SH3BGRL2: variants seen among roughly 807,000 people sequenced by gnomAD.
SH3BGRL2 encodes the protein SH3 domain binding glutamate rich protein like 2.
Under a neutral mutation model 14.8 loss-of-function variants are expected in SH3BGRL2, and 21 were observed. The ratio of observed to expected loss-of-function variants is 1.42; its 90% confidence interval spans 1.01 to 2.05. The LOEUF (loss-of-function observed/expected upper bound fraction) is 2.05, where lower values mean the gene tolerates loss of function less well. Ranked by LOEUF, SH3BGRL2 falls within the 30% of genes most tolerant of loss-of-function variation. The pLI, the probability that SH3BGRL2 is intolerant of heterozygous loss-of-function variation, is 0.00. For missense variants in SH3BGRL2, 147 were observed against 130.8 expected (o/e 1.12, Z -0.61); for synonymous variants, 50 against 47.8 (o/e 1.05, Z -0.19).
the SH3BGRL2 span, among the ~76,000 whole-genome samples, chr6:79,617,709 C>T: frequency 6.6e-6 from 1 of 152,150 alleles, no homozygotes; most frequent in African/African-American, 2.4e-5. Context: ...TAGTTAACTC[C>T]CTGCTCTCTC....
the SH3BGRL2 span, among the ~76,000 whole-genome samples, chr6:79,546,754 A>G: frequency 5.3e-5 from 8 of 151,118 alleles, no homozygotes; most frequent in East Asian, 3.9e-4. Flanking sequence ...CTGGAGTGCA[A>G]TTATCTCAGC....
intron 3 of SH3BGRL2, among the ~76,000 whole-genome samples, chr6:79,697,726 T>C (rs1770362532): frequency 1.3e-5 from 2 of 152,232 alleles, no homozygotes. Flanking sequence ...AACATTTGAA[T>C]ACTTGTTAGG....
chr6:79,658,218 A>G (rs1158010671), intron 1 of SH3BGRL2, among the ~76,000 whole-genome samples: 1 of 152,164 alleles, frequency 6.6e-6, no homozygotes, highest in Non-Finnish European at 1.5e-5. Context: ...GCATAGGTAT[A>G]CATGTGCCAT....
intron 1 of SH3BGRL2, among the ~76,000 whole-genome samples, chr6:79,633,917 T>A (rs1372318074): frequency 1.3e-5 from 2 of 152,228 alleles, no homozygotes; most frequent in Non-Finnish European, 2.9e-5. Flanking sequence ...ATATTAAGCT[T>A]TAGTGGCGTA....
intron 1 of SH3BGRL2, among the ~76,000 whole-genome samples, chr6:79,648,668 C>T (rs1018495087): frequency 1.3e-5 from 2 of 151,888 alleles, no homozygotes; most frequent in Non-Finnish European, 2.9e-5. Flanking sequence ...CTTTTAATTC[C>T]CCCACGTTTC....
At chr6:79,655,364 C>T (rs1769384953) in intron 1 of SH3BGRL2, among the ~76,000 whole-genome samples, 1 of 151,338 alleles carries the variant, frequency 6.6e-6, no homozygotes, top group African/African-American at 2.4e-5. Flanking sequence ...AGCAGTGGCC[C>T]CTTAAGCTTA....
chr6:79,562,508 G>A, the SH3BGRL2 span, among the ~76,000 whole-genome samples: 1 of 152,144 alleles, frequency 6.6e-6, no homozygotes, highest in African/African-American at 2.4e-5. Context: ...TAGGGGCATA[G>A]AGATGAGAGT....
intron 2 of SH3BGRL2, among the ~76,000 whole-genome samples, chr6:79,683,658 A>AG (rs1369105278): frequency 6.6e-6 from 1 of 152,114 alleles, no homozygotes; most frequent in Non-Finnish European, 1.5e-5. Flanking sequence ...CATGTTTGCC[A>AG]GGATGGTCTT....
At chr6:79,696,754 C>T (rs1770340573) in intron 3 of SH3BGRL2, among the ~76,000 whole-genome samples, 189 bp downstream of exon 3, 2 of 151,842 alleles carry the variant, frequency 1.3e-5, no homozygotes, top group African/African-American at 4.8e-5. Flanking sequence ...TTTGTTTTTC[C>T]CCCCAATTCT....
the SH3BGRL2 span, among the ~76,000 whole-genome samples, chr6:79,538,172 G>A: frequency 1.3e-5 from 2 of 151,340 alleles, no homozygotes; most frequent in Non-Finnish European, 2.9e-5. Context: ...CCTCTTTCGT[G>A]AGGGCTTTAA....
intron 2 of SH3BGRL2, among the ~76,000 whole-genome samples, chr6:79,686,875 G>GC: frequency 6.6e-6 from 1 of 152,114 alleles, no homozygotes; most frequent in Non-Finnish European, 1.5e-5. Flanking sequence ...CTCCTCAGGT[G>GC]CCCGTGAAAG....
the SH3BGRL2 span, among the ~76,000 whole-genome samples, chr6:79,582,624 C>T: frequency 6.6e-6 from 1 of 152,136 alleles, no homozygotes; most frequent in Non-Finnish European, 1.5e-5. Flanking sequence ...ACACCTTATA[C>T]AAAAATTAAT....
chr6:79,623,933 A>G, the SH3BGRL2 span, among the ~76,000 whole-genome samples: 1 of 152,298 alleles, frequency 6.6e-6, no homozygotes, highest in South Asian at 2.1e-4. Context: ...TACTTCCTCT[A>G]TTGCAATTAT....
the SH3BGRL2 span, among the ~76,000 whole-genome samples, chr6:79,548,227 T>TA: frequency 1.3e-5 from 2 of 151,974 alleles, no homozygotes; most frequent in African/African-American, 4.8e-5. Flanking sequence ...TTTATCATCT[T>TA]AAAAAAAACT....
chr6:79,590,424 GATATATATATATATATATATATAT>G, the SH3BGRL2 span, among the ~76,000 whole-genome samples: 422 of 66,692 alleles, frequency 6.3e-3, 25 homozygotes, highest in Admixed American at 0.046. Flanking sequence ...AAGAAAATGT[GATATATATATATATATATATATAT>G]ATATATATAT....
At chr6:79,581,899 C>T in the SH3BGRL2 span, among the ~76,000 whole-genome samples, 3 of 152,182 alleles carry the variant, frequency 2.0e-5, no homozygotes, top group Non-Finnish European at 4.4e-5. Flanking sequence ...TCGTCTCAGT[C>T]CAAAATCTCC....
intron 2 of SH3BGRL2, among the ~76,000 whole-genome samples, chr6:79,687,605 T>C (rs1770126209): frequency 6.6e-6 from 1 of 152,250 alleles, no homozygotes; most frequent in Admixed American, 6.5e-5. Flanking sequence ...TTTCATAAAG[T>C]AGACTATAGC....
At chr6:79,567,708 A>C in the SH3BGRL2 span, among the ~76,000 whole-genome samples, 1 of 152,258 alleles carries the variant, frequency 6.6e-6, no homozygotes, top group Non-Finnish European at 1.5e-5. Flanking sequence ...AAAGATTTAA[A>C]AAAGAGGCAG....
chr6:79,673,808 C>G lies in SH3BGRL2; in HGVS notation c.231+9C>G. Reference sequence around the variant, plus strand: ...GCGACCGATACTGTGGAGTAAGTGGCTAGACTGTTATCATGCTGTTTCTTT... The same window carrying G: ...GCGACCGATACTGTGGAGTAAGTGGGTAGACTGTTATCATGCTGTTTCTTT... On this transcript the variant is annotated intron_variant, in intron 2 of 3. Coordinates refer to ENST00000369838, the MANE Select transcript of SH3BGRL2 (RefSeq NM_031469.4). 1.2e-6 allele frequency: 2 copies of G among 1,610,410 alleles called. No homozygotes were observed. The highest frequency in any genetic ancestry group is 8.5e-7 in the Non-Finnish European group (1 of 1,178,172).
Sources: allele counts gnomAD v4.1 joint callset (sites outside exome capture counted in the v4.1 genomes callset), GRCh38; gene constraint gnomAD v4.1.1; transcripts MANE v1.5; gene names NCBI Gene and HGNC (gene_info 2026-07-23, HGNC 2026-07-21).